SOD2: variants seen among roughly 807,000 people sequenced by gnomAD.
The protein encoded by SOD2 is superoxide dismutase 2.
A neutral mutation model predicts 27.0 loss-of-function variants in SOD2; 11 were observed. The observed-to-expected ratio is 0.41, with a 90% confidence interval of 0.26 to 0.67. The LOEUF (loss-of-function observed/expected upper bound fraction) is 0.67. SOD2 is among the 30% of genes least tolerant of loss of function. The pLI is 0.34. For missense variants in SOD2, 250 were observed against 274.5 expected, an observed-to-expected ratio of 0.91 and a Z score of 0.63; for synonymous variants, 105 against 103.0, an observed-to-expected ratio of 1.02 and a Z score of -0.12.
chr6:159,744,656 C>T (rs1002142201), intron 1 of SOD2, among the ~76,000 whole-genome samples: 7 of 152,184 alleles, frequency 4.6e-5, no homozygotes, highest in Admixed American at 2.0e-4. Context: ...TACTAAATGA[C>T]TTCTTCACAT....
intron 1 of SOD2, chr6:159,725,757 TTAAATA>T (rs1379824272): frequency 6.6e-6 from 1 of 151,724 alleles, no homozygotes; most frequent in East Asian, 1.9e-4. Context: ...AATATTCATA[TTAAATA>T]TAAATATATA....
intron 1 of SOD2, among the ~76,000 whole-genome samples, chr6:159,718,368 T>C (rs889823332): frequency 2.0e-5 from 3 of 152,300 alleles, no homozygotes; most frequent in South Asian, 2.1e-4. Flanking sequence ...TCTTGGTTAT[T>C]GTGAATGGTG....
At position 159,710,710 on chromosome 6, in the gene SOD2, C is replaced by A. The variant is rs551407931; in HGVS notation, c.-116+16419G>T. ...ACTGCTCTGATCACCCTAACCACCT[C>A]CATAACCACCAGTCACACTGCTCTG... On this transcript the variant is annotated intron_variant, in intron 1 of 2. Transcript: ENST00000401980. Among the ~76,000 whole-genome samples, 36 of 151,830 alleles carry A rather than the reference C, an allele frequency of 2.4e-4. No individual in the cohort carries two copies. The Middle Eastern group carries it at 0.017, about 72-fold the overall frequency.
chr6:159,732,884 A>AGTGTGTG lies in SOD2; in HGVS notation c.-116+12245_-116+12246insCACACAC, dbSNP rs1562452316. 4.8e-5 allele frequency among the ~76,000 whole-genome samples: 4 copies of AGTGTGTG among 83,486 alleles called. No individual in the cohort carries two copies. In the East Asian group the frequency reaches 1.1e-3, roughly 22 times the overall value. 54.8% of individuals were successfully genotyped at this position (83,486 alleles called of 152,430 possible). On this transcript the variant is annotated intron_variant, in intron 1 of 3. Coordinates refer to the SOD2 transcript ENST00000537657. ...TCTCTCTCTCTCTCTGTATATATAT[A>AGTGTGTG]TAGTGTGTGTGTGTGTGTGTGTGTG... is the stretch of plus-strand genomic sequence containing the variant.
At chr6:159,734,963 G>A (rs1054219776) in intron 1 of SOD2, among the ~76,000 whole-genome samples, 1 of 151,772 alleles carries the variant, frequency 6.6e-6, no homozygotes. Context: ...ATTAGCATTC[G>A]TTCTAAAAAA....
chr6:159,693,635 C>A (rs1054014061), upstream of SOD2, among the ~76,000 whole-genome samples: 1 of 152,212 alleles, frequency 6.6e-6, no homozygotes, highest in Admixed American at 6.5e-5. Flanking sequence ...GCGCCTGCCC[C>A]TGAGTTTTGG....
upstream of SOD2, among the ~76,000 whole-genome samples, chr6:159,731,151 A>G (rs920342018): frequency 1.6e-4 from 25 of 152,026 alleles, no homozygotes; most frequent in African/African-American, 5.8e-4. Flanking sequence ...AAAAAAAAGA[A>G]AAAAAGAAAA....
intron 1 of SOD2, chr6:159,726,311 CTT>C (rs1476032275): frequency 6.5e-6 from 1 of 154,026 alleles, no homozygotes; most frequent in Non-Finnish European, 1.4e-5. Flanking sequence ...GGCTTTTGCA[CTT>C]TTTGTTTTCA....
rs1779753241 is a variant in SOD2, at chr6:159,675,301, G to A, written c.*7192C>T. 1 of 152,162 alleles carries A rather than the reference G, an allele frequency of 6.6e-6. No individual in the cohort carries two copies. Among genetic ancestry groups the A allele is most frequent in the South Asian group, 2.1e-4 (1 of 4,834 alleles). The allele number at this position is 152,162 out of a possible 1,614,324, so 9.4% of individuals were successfully genotyped here. A position where few individuals can be genotyped will look rare whatever the true frequency, so the allele number is the denominator to read the frequency against. On this transcript the variant is annotated 3_prime_UTR_variant, in exon 5 of 5. Transcript: ENST00000538183. ...GCCTGCACTGCCAAAACGATCCTAA[G>A]CCAAAAGAACAAAGCTGGAGGCATC...
chr6:159,702,879 G>T (rs928582456), intron 1 of SOD2, among the ~76,000 whole-genome samples: 1 of 146,650 alleles, frequency 6.8e-6, no homozygotes, highest in Non-Finnish European at 1.5e-5. Context: ...AAAAAAGCCA[G>T]GTGTTGTGGT....
intron 1 of SOD2, among the ~76,000 whole-genome samples, chr6:159,744,486 A>T (rs1165089454): frequency 4.0e-5 from 6 of 151,844 alleles, no homozygotes; most frequent in African/African-American, 1.5e-4. Context: ...CTAAGATAGT[A>T]TTCTGGTCAT....
At chr6:159,757,065 T>C (rs1183662472) in intron 1 of SOD2, among the ~76,000 whole-genome samples, 4 of 152,284 alleles carry the variant, frequency 2.6e-5, no homozygotes, top group South Asian at 2.1e-4. Context: ...GGTGTTAGAA[T>C]GTAGGTAGGA....
chr6:159,720,847 C>CTTTTTTTTTTTTTTTTT lies in SOD2; in HGVS notation c.-116+6265_-116+6281dup. On this transcript the variant is annotated intron_variant, in intron 1 of 2. Coordinates refer to the SOD2 transcript ENST00000401980. ...CACTATACAGGTGTATTTTCTTTAC[C>CTTTTTTTTTTTTTTTTT]TTTTTTTTTTTTTTTTTTTTTTTTT... 3.3e-5 allele frequency among the ~76,000 whole-genome samples: 2 copies of CTTTTTTTTTTTTTTTTT among 59,946 alleles called. 1 individual carries two copies. The highest frequency in any genetic ancestry group is 5.9e-5 in the Non-Finnish European group (2 of 33,924). 39.3% of individuals were successfully genotyped at this position (59,946 alleles called of 152,430 possible).
intron 1 of SOD2, among the ~76,000 whole-genome samples, chr6:159,720,124 G>A (rs867569488): frequency 7.3e-5 from 11 of 151,364 alleles, no homozygotes; most frequent in South Asian, 2.1e-4. Flanking sequence ...TCTGCCTCCC[G>A]GGTTCAAGCG....
At chr6:159,734,395 C>G (rs942180238) in intron 1 of SOD2, among the ~76,000 whole-genome samples, 2 of 147,702 alleles carry the variant, frequency 1.4e-5, no homozygotes, top group Admixed American at 6.8e-5. Flanking sequence ...AAAAAAAATT[C>G]AGTTTAACAT....
At chr6:159,722,023 AAG>A (rs1056956643) in intron 1 of SOD2, among the ~76,000 whole-genome samples, 11 of 152,006 alleles carry the variant, frequency 7.2e-5, no homozygotes, top group African/African-American at 2.7e-4. Context: ...TATAGTAAAG[AAG>A]AGTTTTTCCT....
chr6:159,724,651 G>A (rs1002721030), intron 1 of SOD2, among the ~76,000 whole-genome samples: 1 of 152,028 alleles, frequency 6.6e-6, no homozygotes, highest in Admixed American at 6.6e-5. Flanking sequence ...TTGAGCCCAG[G>A]AGTTCAAGAC....
intron 1 of SOD2, among the ~76,000 whole-genome samples, chr6:159,740,701 T>C (rs1779200297): frequency 6.6e-6 from 1 of 151,490 alleles, no homozygotes; most frequent in East Asian, 1.9e-4. Context: ...TTTTTTCTTT[T>C]TTCTTTCTTT....
chr6:159,686,679 A>T (rs1780201162), intron 3 of SOD2, among the ~76,000 whole-genome samples: 1 of 152,182 alleles, frequency 6.6e-6, no homozygotes, highest in African/African-American at 2.4e-5. Flanking sequence ...ACAAAAATAA[A>T]GAAAAAGTTG....
Sources: gnomAD v4.1 joint callset for allele counts (sites outside exome capture counted in the v4.1 genomes callset) on GRCh38, gnomAD v4.1.1 for gene constraint, MANE v1.5 for transcripts, NCBI Gene and HGNC (gene_info 2026-07-23, HGNC 2026-07-21) for gene names.